Variants in UGT8 observed in about 807,000 individuals in gnomAD.
UGT8 encodes 2-hydroxyacylsphingosine 1-beta-galactosyltransferase.
Under a neutral mutation model 40.5 loss-of-function variants are expected in UGT8, and 12 were observed. The ratio of observed to expected loss-of-function variants is 0.30; its 90% confidence interval spans 0.19 to 0.48. The LOEUF is 0.48. Among genes scored for constraint, UGT8 ranks in the 20% least tolerant of loss-of-function variants. The pLI, the probability that UGT8 is intolerant of heterozygous loss-of-function variation, is 0.99. For synonymous variants in UGT8, 224 were observed against 240.4 expected, an observed-to-expected ratio of 0.93 and a Z score of 0.63; for missense variants, 513 against 648.7, an observed-to-expected ratio of 0.79 and a Z score of 2.27.
intron 2 of UGT8, among the ~76,000 whole-genome samples, chr4:114,631,146 T>TTATTAGGTTGG (rs1448103288): frequency 6.6e-6 from 1 of 152,114 alleles, no homozygotes; most frequent in East Asian, 1.9e-4. Context: ...CCTATATTAT[T>TTATTAGGTTGG]TATTAGGTTG....
chr4:114,609,614 T>G (rs1730925417), intron 1 of UGT8, among the ~76,000 whole-genome samples: 1 of 152,052 alleles, frequency 6.6e-6, no homozygotes. Context: ...GCTTTACAAA[T>G]TTGTGTGGGG....
intron 2 of UGT8, chr4:114,623,921 AC>A: frequency 4.3e-6 from 1 of 231,850 alleles, no homozygotes; most frequent in Non-Finnish European, 7.1e-6. Flanking sequence ...TGAAAAGACC[AC>A]TATGCCATAT....
At chr4:114,622,674 T>C (rs147819943) in intron 1 of UGT8, 17,165 of 499,158 alleles carry the variant, frequency 0.034, 501 homozygotes, top group Admixed American at 0.1. Context: ...TGATTTGCAT[T>C]TCTCTGATGG....
At chr4:114,620,459 G>A (rs1229517931) in intron 1 of UGT8, among the ~76,000 whole-genome samples, 1 of 152,186 alleles carries the variant, frequency 6.6e-6, no homozygotes, top group Non-Finnish European at 1.5e-5. Context: ...AGGTGAGGCA[G>A]TACAGTAGAA....
intron 2 of UGT8, among the ~76,000 whole-genome samples, chr4:114,650,897 C>T (rs1187092428): frequency 6.6e-6 from 1 of 151,670 alleles, no homozygotes; most frequent in African/African-American, 2.4e-5. Context: ...TCCTGCAACA[C>T]CTTTTTTTTT....
chr4:114,604,584 A>G lies in UGT8; in HGVS notation c.-3+5610A>G, dbSNP rs1281234517. 2.6e-5 allele frequency among the ~76,000 whole-genome samples: 4 copies of G among 151,774 alleles called. No individual in the cohort carries two copies. In the East Asian group the frequency reaches 7.7e-4, roughly 29 times the overall value. On this transcript the variant is annotated intron_variant, in intron 1 of 5. Coordinates refer to ENST00000310836, the MANE Select transcript of UGT8 (RefSeq NM_001128174.3). ...TAGAGATTAATAAACATTTTAAATT[A>G]GATTTCTATTTTAATATGTGTATAA...
chr4:114,628,365 C>A (rs1312667288), intron 2 of UGT8, among the ~76,000 whole-genome samples: 3 of 152,062 alleles, frequency 2.0e-5, no homozygotes, highest in Non-Finnish European at 4.4e-5. Flanking sequence ...GTCTCAAACT[C>A]CTGACCTCAA....
At chr4:114,599,787 G>C (rs1730330197) in intron 1 of UGT8, among the ~76,000 whole-genome samples, 1 of 152,204 alleles carries the variant, frequency 6.6e-6, no homozygotes, top group Non-Finnish European at 1.5e-5. Context: ...AGGGAGCCTG[G>C]TATGTGTGTT....
At chr4:114,658,707 A>T (rs554172894) in intron 2 of UGT8, among the ~76,000 whole-genome samples, 66 of 27,462 alleles carry the variant, frequency 2.4e-3, no homozygotes, top group African/African-American at 3.5e-3. Flanking sequence ...CACAATGAAT[A>T]AAAAAAAATT....
intron 2 of UGT8, among the ~76,000 whole-genome samples, chr4:114,625,750 G>A (rs1174546162): frequency 2.0e-5 from 3 of 151,938 alleles, no homozygotes; most frequent in Admixed American, 2.0e-4. Flanking sequence ...GCACACAGAT[G>A]TCCTTACTAG....
In UGT8 at chr4:114,668,051, G is replaced by C. The variant is rs747327669; in HGVS notation, c.1043-34G>C. ...AAAATCTCTTCTGTAGAGTAATAAT[G>C]TTGTAAGTTGTTTTCTTTTTCATCT... On this transcript the variant is annotated intron_variant, in intron 4 of 5. Transcript: ENST00000310836. 11 of 1,602,156 alleles carry C rather than the reference G, an allele frequency of 6.9e-6. No homozygotes were observed. In the East Asian group the frequency reaches 2.2e-4, roughly 33 times the overall value.
chr4:114,598,519 A>C (rs1730219332), upstream of UGT8: 2 of 152,268 alleles, frequency 1.3e-5, no homozygotes, highest in Admixed American at 1.3e-4. Flanking sequence ...CCAGCCTGCG[A>C]GCGCGTGGTA....
chr4:114,621,085 T>C, intron 1 of UGT8, among the ~76,000 whole-genome samples: 1 of 152,232 alleles, frequency 6.6e-6, no homozygotes, highest in Non-Finnish European at 1.5e-5. Flanking sequence ...CACTATATGG[T>C]CCCCACGTAT....
intron 4 of UGT8, among the ~76,000 whole-genome samples, chr4:114,667,090 A>G (rs1471598136): frequency 6.6e-6 from 1 of 152,074 alleles, no homozygotes; most frequent in African/African-American, 2.4e-5. Context: ...TCTAGGGCAG[A>G]TCCTTTAGTT....
In UGT8 at chr4:114,641,970, A is replaced by G. The variant is rs748409335; in HGVS notation, c.822+18268A>G. 4.2e-4 allele frequency among the ~76,000 whole-genome samples: 64 copies of G among 152,340 alleles called. No individual in the cohort carries two copies. In the Middle Eastern group the frequency reaches 0.027, roughly 65 times the overall value. On this transcript the variant is annotated intron_variant, in intron 2 of 5. Transcript: ENST00000310836. ...GAGATGTTACAAGATGACATGCAAT[A>G]GTTTATAAGTTGGAAATTTACATTA...
intron 1 of UGT8, among the ~76,000 whole-genome samples, chr4:114,616,096 G>A (rs368831367): frequency 4.6e-5 from 7 of 152,244 alleles, no homozygotes; most frequent in East Asian, 3.9e-4. Context: ...CTCCAGCTGC[G>A]TTCTGGGAGA....
intron 2 of UGT8, among the ~76,000 whole-genome samples, chr4:114,624,399 A>G (rs746363850): frequency 2.6e-5 from 4 of 152,186 alleles, no homozygotes; most frequent in African/African-American, 4.8e-5. Flanking sequence ...TTTATTAGGT[A>G]TCCCACATTA....
At chr4:114,598,786 A>G (rs1239397668), upstream of UGT8, 1 of 152,098 alleles carries the variant, frequency 6.6e-6, no homozygotes, top group Non-Finnish European at 1.5e-5. Flanking sequence ...CGGTTAAAGC[A>G]TTGCTATCAA....
intron 1 of UGT8, among the ~76,000 whole-genome samples, chr4:114,610,562 T>C (rs556389450): frequency 9.2e-5 from 14 of 152,334 alleles, no homozygotes; most frequent in South Asian, 8.3e-4. Flanking sequence ...AAATTCATTC[T>C]GTTTTTCTGC....
Sources: allele counts gnomAD v4.1 joint callset (sites outside exome capture counted in the v4.1 genomes callset), GRCh38; gene constraint gnomAD v4.1.1; transcripts MANE v1.5; gene names NCBI Gene and HGNC (gene_info 2026-07-23, HGNC 2026-07-21).